The following ASMTL variants were observed in gnomAD, a reference collection of about 807,000 sequenced individuals.
ASMTL encodes the protein probable bifunctional dTTP/UTP pyrophosphatase/methyltransferase protein.
A neutral mutation model predicts 60.3 loss-of-function variants in ASMTL; 57 were observed. The observed-to-expected ratio is 0.95, with a 90% CI of 0.76 to 1.18. The LOEUF (loss-of-function observed/expected upper bound fraction) is 1.18. Among genes scored for constraint, ASMTL ranks in the 50% most tolerant of loss-of-function variants. The probability of loss-of-function intolerance (pLI) is 0.00; values close to 1 mark genes in which losing one functional copy is unlikely to be tolerated. For synonymous variants in ASMTL, 419 were observed against 373.0 expected (o/e 1.12, Z -1.42); for missense variants, 981 against 852.6 (o/e 1.15, Z -1.88).
rs746036654 is a variant in ASMTL, at chrX:1,424,067, CATCCACTGATGG to C, written c.1060+1446_1060+1457del. 5.5e-3 allele frequency among the ~76,000 whole-genome samples: 831 copies of C among 151,172 alleles called. 18 individuals carry two copies. Among genetic ancestry groups the C allele is most frequent in the African/African-American group, 0.019 (785 of 40,840 alleles). On this transcript the variant is annotated intron_variant, in intron 8 of 12. Coordinates refer to ENST00000381317, the MANE Select transcript of ASMTL (RefSeq NM_004192.4). ...CCACCCACCTACCCATCCATCCACC[CATCCACTGATGG>C]ATCCACTGATCCATCCACCCATGCA...
intron 3 of ASMTL, among the ~76,000 whole-genome samples, chrX:1,437,577 G>A (rs182655612): frequency 1.3e-5 from 2 of 151,966 alleles, no homozygotes; most frequent in African/African-American, 2.4e-5. Context: ...TGCTATCACA[G>A]AATACCATAG....
chrX:1,422,832 G>A (rs1205839097), intron 8 of ASMTL, among the ~76,000 whole-genome samples: 1 of 152,182 alleles, frequency 6.6e-6, no homozygotes, highest in Non-Finnish European at 1.5e-5. Flanking sequence ...AGCCTCTGCA[G>A]ACGTGGAACT....
Position 1,403,270 on chromosome X carries a change from CA to C in ASMTL, c.1864del (p.Ter622GlufsTer9), listed in dbSNP as rs113329185. Reference protein sequence around the residue: ...DAILATKVAP* With the variant: ...DAILATKVAPX ...TATAATGAACATGCTGCCTGGGCTT[CA>C]GGGGGCCACTTTGGTGGCCAAGATG... On this transcript the variant is annotated frameshift_variant and stop_lost, in exon 13 of 13. Coordinates refer to ENST00000381317, the MANE Select transcript of ASMTL (RefSeq NM_004192.4). LOFTEE classifies it high-confidence loss of function. The C allele has an allele frequency of 0.12, 193,691 of 1,612,016 alleles. 12,467 individuals carry two copies. Among genetic ancestry groups the C allele is most frequent in the Admixed American group, 0.15 (9,249 of 59,950 alleles).
rs62604193 is a variant in ASMTL at position 1,443,416 on chromosome X, T to G, written c.94-1099A>C. 6.6e-4 allele frequency among the ~76,000 whole-genome samples: 83 copies of G among 125,362 alleles called. 3 individuals carry two copies. Among genetic ancestry groups the G allele is most frequent in the African/African-American group, 3.0e-3 (73 of 24,680 alleles). The allele number at this position is 125,362 out of a possible 152,430, so 82.2% of individuals were successfully genotyped here. Reference sequence around the variant, plus strand: ...GCCATCTTGGACACACGCCGCCATCTTGGACACACACCGCCATCTTGGACA... The same window carrying G: ...GCCATCTTGGACACACGCCGCCATCGTGGACACACACCGCCATCTTGGACA... On this transcript the variant is annotated intron_variant, in intron 1 of 12. Transcript: ENST00000381317.
chrX:1,415,476 T>TTTG (rs1403654967), intron 11 of ASMTL, among the ~76,000 whole-genome samples: 1 of 151,120 alleles, frequency 6.6e-6, no homozygotes, highest in African/African-American at 2.4e-5. Flanking sequence ...ATTGTCTTTT[T>TTTG]TTTTTTGAGA....
chrX:1,412,936 G>A (rs1169367666), intron 11 of ASMTL, 82 bp from the exon 12 acceptor site: 24 of 1,500,096 alleles, frequency 1.6e-5, no homozygotes, highest in Admixed American at 1.4e-4. Flanking sequence ...ACGGCCACCC[G>A]CATCCTAAAT....
intron 12 of ASMTL, among the ~76,000 whole-genome samples, chrX:1,404,596 ATAGATGATGGG>A (rs1569530386): frequency 7.3e-6 from 1 of 136,628 alleles, no homozygotes; most frequent in African/African-American, 2.8e-5. Flanking sequence ...TGTATAGATG[ATAGATGATGGG>A]TAGGTAGGTA....
intron 3 of ASMTL, among the ~76,000 whole-genome samples, chrX:1,436,535 G>A (rs1156583652): frequency 6.6e-6 from 1 of 151,762 alleles, no homozygotes; most frequent in Non-Finnish European, 1.5e-5. Context: ...TGTATTTTTA[G>A]TAGAGACGGG....
intron 7 of ASMTL, 148 bp downstream of exon 7, chrX:1,427,586 C>G: frequency 1.2e-6 from 1 of 837,380 alleles, no homozygotes; most frequent in East Asian, 2.6e-5. Flanking sequence ...AGGACCCTCT[C>G]CTAGAACCTT....
chrX:1,436,514 G>A (rs1165420677), intron 3 of ASMTL, among the ~76,000 whole-genome samples: 6 of 152,106 alleles, frequency 3.9e-5, no homozygotes, highest in East Asian at 1.9e-4. Context: ...CACCACACCC[G>A]GCTAATTTTT....
rs369787023 is a variant in ASMTL at position 1,432,255 on chromosome X, C to T, written c.509+14G>A. 2.5e-6 allele frequency: 4 copies of T among 1,593,338 alleles called. No homozygotes were observed. Among genetic ancestry groups the T allele is most frequent in the African/African-American group, 2.7e-5 (2 of 74,676 alleles). ...ACACGTGTCCCCCGTCCCCCCACCGCCCCCGAGACTCACATGGGCTCCCCG... is the reference window on the plus strand; with the variant it reads ...ACACGTGTCCCCCGTCCCCCCACCGTCCCCGAGACTCACATGGGCTCCCCG... On this transcript the variant is annotated intron_variant, in intron 6 of 12. Transcript: ENST00000381317.
At chrX:1,440,298 G>T (rs1428988431) in intron 2 of ASMTL, among the ~76,000 whole-genome samples, 1 of 151,988 alleles carries the variant, frequency 6.6e-6, no homozygotes, top group Non-Finnish European at 1.5e-5. Flanking sequence ...CACCGTGTGA[G>T]CCAGGATGGT....
chrX:1,443,139 A>ATG lies in ASMTL; in HGVS notation c.94-823_94-822insCA, dbSNP rs1569534697. Among the ~76,000 whole-genome samples the ATG allele has an allele frequency of 2.6e-3, 390 of 150,914 alleles. 3 individuals carry two copies. Among genetic ancestry groups the ATG allele is most frequent in the African/African-American group, 9.1e-3 (374 of 41,060 alleles). The stretch of plus-strand genomic sequence containing the variant: ...GGACACACACCGCCGTCGTGGACAC[A>ATG]CGCCGCCATCTTGGACACACACCGC... On this transcript the variant is annotated intron_variant, in intron 1 of 12. Transcript: ENST00000381317.
At chrX:1,417,822 C>A (rs771120526) in intron 11 of ASMTL, 151 bp downstream of exon 11, 5 of 953,592 alleles carry the variant, frequency 5.2e-6, no homozygotes, top group Admixed American at 3.0e-5. Context: ...CACACACACA[C>A]AAGCACCGTA....
At chrX:1,406,038 G>A (rs1473563372) in intron 12 of ASMTL, among the ~76,000 whole-genome samples, 36 of 151,446 alleles carry the variant, frequency 2.4e-4, no homozygotes, top group African/African-American at 7.8e-4. Context: ...GATGGTAGAC[G>A]ATGGGTAGGT....
intron 9 of ASMTL, among the ~76,000 whole-genome samples, chrX:1,421,238 T>G (rs2149301815): frequency 6.6e-6 from 1 of 152,216 alleles, no homozygotes; most frequent in East Asian, 1.9e-4. Flanking sequence ...CTAGCTGGGA[T>G]TACAGGCTCA....
At position 1,412,819 on chromosome X, in the gene ASMTL, G is replaced by C. The variant is rs1423969331; in HGVS notation, c.1558C>G (p.Leu520Val). The change falls in exon 12 of 13, where the codon CTG becomes GTG. Residue 520 changes from leucine (L) to valine (V), a missense_variant. Transcript: ENST00000381317. ...TGCAGGATCCGGCACAGGACGTACA[G>C]CTCAGCGCTGGGGAGGGGGTCCCTG... The part of the protein sequence containing the change: ...FFRDPLPSAE[L>V]YVLCRILHDW... 1.2e-6 allele frequency: 2 copies of C among 1,613,866 alleles called. No individual in the cohort carries two copies. Among genetic ancestry groups the C allele is most frequent in the African/African-American group, 2.7e-5 (2 of 74,918 alleles).
intron 9 of ASMTL, among the ~76,000 whole-genome samples, chrX:1,421,206 C>T (rs2090476723): frequency 6.6e-6 from 1 of 152,028 alleles, no homozygotes; most frequent in Admixed American, 6.6e-5. Context: ...CTCAGGTGAT[C>T]AGCCCACCTT....
intron 5 of ASMTL, among the ~76,000 whole-genome samples, chrX:1,434,598 G>T (rs1376269952): frequency 6.6e-6 from 1 of 151,602 alleles, no homozygotes; most frequent in African/African-American, 2.4e-5. Context: ...GAGGTCAGGA[G>T]TTCGAGACCA....
Sources: allele counts gnomAD v4.1 joint callset (sites outside exome capture counted in the v4.1 genomes callset), GRCh38; gene constraint gnomAD v4.1.1; transcripts MANE v1.5; gene names NCBI Gene and HGNC (gene_info 2026-07-23, HGNC 2026-07-21).